Variants in TECPR2 observed in about 807,000 individuals in gnomAD.
TECPR2 encodes tectonin beta-propeller repeat-containing protein 2.
TECPR2 carries 65 observed loss-of-function variants against 138.1 expected under a neutral mutation model. The ratio of observed to expected loss-of-function variants is 0.47; its 90% CI spans 0.39 to 0.58. The LOEUF (loss-of-function observed/expected upper bound fraction) is 0.58, where lower values mean the gene tolerates loss of function less well. Ranked by LOEUF, TECPR2 falls within the 20% of genes least tolerant of loss-of-function variation. The pLI, the probability that TECPR2 is intolerant of heterozygous loss-of-function variation, is 0.00. For synonymous variants in TECPR2, 746 were observed against 749.8 expected (o/e 0.99, Z 0.08); for missense variants, 1,553 against 1,824.5 (o/e 0.85, Z 2.71).
chr14:102,447,852 G>A (rs1458779367), intron 13 of TECPR2, among the ~76,000 whole-genome samples: 19 of 151,852 alleles, frequency 1.3e-4, no homozygotes, highest in Admixed American at 1.2e-3. Context: ...TGTTTCTGAA[G>A]TATCTTGCCC....
At chr14:102,431,523 T>TA (rs1889479479) in intron 7 of TECPR2, among the ~76,000 whole-genome samples, 2 of 152,066 alleles carry the variant, frequency 1.3e-5, no homozygotes, top group Non-Finnish European at 2.9e-5. Context: ...TTTGTATTTT[T>TA]AGTAGAGACG....
chr14:102,424,938 A>G, intron 5 of TECPR2, 41 bp from the exon 6 acceptor site: 1 of 1,561,452 alleles, frequency 6.4e-7, no homozygotes, highest in East Asian at 2.3e-5. Context: ...AAATCAGTCC[A>G]TGTCTGTTTT....
rs187458687 is a variant in TECPR2 at position 102,482,515 on chromosome 14, A to C, written c.3790-14464A>C. On this transcript the variant is annotated intron_variant, in intron 17 of 19. Coordinates refer to ENST00000359520, the MANE Select transcript of TECPR2 (RefSeq NM_014844.5). ...CCAGTCTGGCCTCGTTCCTCTCTCTACCCGGGACCCAGCTGTTGTCCTAGC... is the reference window on the plus strand; with the variant it reads ...CCAGTCTGGCCTCGTTCCTCTCTCTCCCCGGGACCCAGCTGTTGTCCTAGC... Among the ~76,000 whole-genome samples the C allele has an allele frequency of 3.6e-4, 54 of 151,568 alleles. 1 individual carries two copies. The East Asian group carries it at 7.4e-3, about 21-fold the overall frequency.
At chr14:102,429,734 G>A (rs1454295207) in intron 7 of TECPR2, among the ~76,000 whole-genome samples, 1 of 152,070 alleles carries the variant, frequency 6.6e-6, no homozygotes, top group Non-Finnish European at 1.5e-5. Flanking sequence ...TGAGCTGGGG[G>A]CCCCTCAGAC....
intron 17 of TECPR2, among the ~76,000 whole-genome samples, chr14:102,493,751 CA>C (rs914846907): frequency 6.6e-6 from 1 of 152,198 alleles, no homozygotes; most frequent in Non-Finnish European, 1.5e-5. Flanking sequence ...CCTGCTGTGA[CA>C]GGGGCAGGGG....
At chr14:102,413,379 A>G (rs961825077) in intron 4 of TECPR2, among the ~76,000 whole-genome samples, 11 of 148,738 alleles carry the variant, frequency 7.4e-5, no homozygotes, top group Non-Finnish European at 1.0e-4. Flanking sequence ...TATATAATGT[A>G]TATATATATA....
chr14:102,399,596 C>T (rs368599435), intron 2 of TECPR2, among the ~76,000 whole-genome samples: 1 of 151,958 alleles, frequency 6.6e-6, no homozygotes, highest in African/African-American at 2.4e-5. Flanking sequence ...TTTGGGAGGC[C>T]GAGGTGGGTG....
Position 102,449,808 on chromosome 14 carries a change from C to T in TECPR2, c.3255C>T (p.Asn1085=). ...AGCCAAGCCTTCTCGGGGTCAATAA[C>T]AGCGGTGTCTGGATCTCCTCGGGCA... The part of the protein sequence containing the change: ...QCQPSLLGVN[N]SGVWISSGKN... The change falls in exon 14 of 20, where the codon AAC becomes AAT. Residue 1085 remains asparagine, a synonymous_variant. Transcript: ENST00000359520. 6.2e-7 allele frequency: 1 copy of T among 1,614,210 alleles called. No individual in the cohort carries two copies. Among genetic ancestry groups the T allele is most frequent in the Non-Finnish European group, 8.5e-7 (1 of 1,180,034 alleles).
Position 102,445,753 on chromosome 14 carries a change from C to T in TECPR2, c.2934-53C>T, listed in dbSNP as rs573614484. 5.2e-5 allele frequency: 82 copies of T among 1,579,730 alleles called. No homozygotes were observed. The East Asian group carries it at 1.7e-3, about 34-fold the overall frequency. On this transcript the variant is annotated intron_variant, in intron 12 of 19. Coordinates refer to ENST00000359520, the MANE Select transcript of TECPR2 (RefSeq NM_014844.5). ...CCTGGATGTCCGCAGTCCAGACACA[C>T]TGGGCACTCTGCCTATGGGTGCTGA...
At chr14:102,368,066 G>T (rs1384271614) in intron 1 of TECPR2, among the ~76,000 whole-genome samples, 1 of 140,480 alleles carries the variant, frequency 7.1e-6, no homozygotes, top group Admixed American at 7.5e-5. Context: ...GGAGTGCAGT[G>T]GTGCGATCTT....
chr14:102,437,890 T>G, intron 9 of TECPR2, 132 bp from the exon 10 acceptor site: 1 of 1,040,222 alleles, frequency 9.6e-7, no homozygotes, highest in East Asian at 2.5e-5. Flanking sequence ...GGGAGAAGGG[T>G]TGACTTGGCG....
At chr14:102,369,526 T>C (rs951756292) in intron 1 of TECPR2, among the ~76,000 whole-genome samples, 3 of 151,926 alleles carry the variant, frequency 2.0e-5, no homozygotes, top group Non-Finnish European at 2.9e-5. Flanking sequence ...CCGGGCTCAA[T>C]TGATTCTTGT....
In TECPR2 at chr14:102,419,205, C is replaced by T. The variant is rs1036465055; in HGVS notation, c.638+4412C>T. ...ATATGGAGGGACATAGCAGCTGCTG[C>T]GAGACCGGGGGCTGAGGCAGCTTCG... On this transcript the variant is annotated intron_variant, in intron 5 of 19. Transcript: ENST00000359520. The surrounding 1 kb of genome is among the most constrained non-coding windows in gnomAD (Gnocchi z 4.8). Among the ~76,000 whole-genome samples, 4 of 151,984 alleles carry T rather than the reference C, an allele frequency of 2.6e-5. No homozygotes were observed. Among genetic ancestry groups the T allele is most frequent in the Admixed American group, 6.6e-5 (1 of 15,264 alleles).
Position 102,498,758 on chromosome 14 carries a change from C to G in TECPR2, c.*501C>G. On this transcript the variant is annotated 3_prime_UTR_variant, in exon 20 of 20. Coordinates refer to ENST00000359520, the MANE Select transcript of TECPR2 (RefSeq NM_014844.5). ...GGGGGGTGTCCCCCCAGAGACAAAG[C>G]TGCAGAGCACATTCCATGCCAGACG... 2.1e-6 allele frequency: 1 copy of G among 477,826 alleles called. No homozygotes were observed. Among genetic ancestry groups the G allele is most frequent in the Non-Finnish European group, 4.1e-6 (1 of 243,670 alleles). The allele number at this position is 477,826 out of a possible 1,614,324, so 29.6% of individuals were successfully genotyped here.
At chr14:102,404,611 CTG>C (rs1052863080) in intron 2 of TECPR2, among the ~76,000 whole-genome samples, 4 of 150,352 alleles carry the variant, frequency 2.7e-5, no homozygotes, top group African/African-American at 9.8e-5. Flanking sequence ...GACTGTCACT[CTG>C]TTGCCCAGGC....
At chr14:102,495,570 C>T (rs1374897107) in intron 17 of TECPR2, among the ~76,000 whole-genome samples, 1 of 152,096 alleles carries the variant, frequency 6.6e-6, no homozygotes, top group African/African-American at 2.4e-5. Context: ...GGAGGCCGGG[C>T]GGCTGGGGAA....
intron 13 of TECPR2, among the ~76,000 whole-genome samples, chr14:102,449,110 A>G (rs1890070064): frequency 6.6e-6 from 1 of 152,168 alleles, no homozygotes. Context: ...AAAAATTTAA[A>G]AATTGGCTAC....
chr14:102,370,807 G>A (rs539065092), intron 1 of TECPR2, among the ~76,000 whole-genome samples: 1 of 152,302 alleles, frequency 6.6e-6, no homozygotes, highest in East Asian at 1.9e-4. Context: ...GAGAGGTAAT[G>A]GTGGCCCGAG....
chr14:102,438,264 G>GC (rs112066161), intron 10 of TECPR2, 59 bp downstream of exon 10: 98,353 of 1,545,088 alleles, frequency 0.064, 4,202 homozygotes, highest in African/African-American at 0.22. Context: ...CCTGCTCCCC[G>GC]CCCCCGGGGT....
Sources: gnomAD v4.1 joint callset for allele counts (sites outside exome capture counted in the v4.1 genomes callset) on GRCh38, gnomAD v4.1.1 for gene constraint, Gnocchi (gnomAD v3.1) non-coding constraint, MANE v1.5 for transcripts, NCBI Gene and HGNC (gene_info 2026-07-23, HGNC 2026-07-21) for gene names.